The following WDFY4 variants were observed in gnomAD, a reference collection of about 807,000 sequenced individuals.
WDFY4 encodes the protein WD repeat- and FYVE domain-containing protein 4.
Under a neutral mutation model 351.9 loss-of-function variants are expected in WDFY4, and 169 were observed. That is an observed-to-expected ratio of 0.48 (90% confidence interval 0.42 to 0.55). WDFY4 has a LOEUF of 0.55. Ranked by LOEUF, WDFY4 falls within the 20% of genes least tolerant of loss-of-function variation. WDFY4 has a pLI of 0.00. For missense variants in WDFY4, 3,803 were observed against 3,935.6 expected (o/e 0.97, Z 0.90); for synonymous variants, 1,622 against 1,574.6 (o/e 1.03, Z -0.71).
At chr10:48,694,701 T>A (rs1342243193) in intron 1 of WDFY4, among the ~76,000 whole-genome samples, 5 of 152,126 alleles carry the variant, frequency 3.3e-5, no homozygotes, top group African/African-American at 1.2e-4. Context: ...ATGCACTCAC[T>A]CAACCCCTGA....
intron 10 of WDFY4, among the ~76,000 whole-genome samples, chr10:48,734,942 A>ATTTTTTTTTTTTTTTT (rs3079302): frequency 8.1e-6 from 1 of 123,330 alleles, no homozygotes. Flanking sequence ...TGCACGGCTA[A>ATTTTTTTTTTTTTTTT]TTTTTTTTTT....
intron 12 of WDFY4, among the ~76,000 whole-genome samples, chr10:48,755,568 G>A (rs921465086): frequency 4.6e-5 from 7 of 152,016 alleles, no homozygotes; most frequent in African/African-American, 1.7e-4. Context: ...TTGTTTGTTT[G>A]TTTTTGCTTA....
chr10:48,928,808 G>C (rs1839805569), intron 47 of WDFY4, among the ~76,000 whole-genome samples: 1 of 152,214 alleles, frequency 6.6e-6, no homozygotes, highest in Non-Finnish European at 1.5e-5. Flanking sequence ...GACTGCAAAG[G>C]GGAATGCTGA....
chr10:48,755,018 A>AC (rs2065293319), intron 12 of WDFY4, among the ~76,000 whole-genome samples: 1 of 152,170 alleles, frequency 6.6e-6, no homozygotes, highest in Non-Finnish European at 1.5e-5. Flanking sequence ...TCACACGACT[A>AC]CCACCACAAT....
Position 48,760,368 on chromosome 10 carries a change from A to C in WDFY4, c.2481A>C (p.Ala827=), listed in dbSNP as rs1365385328. 6.4e-7 allele frequency: 1 copy of C among 1,551,666 alleles called. No homozygotes were observed. The highest frequency in any genetic ancestry group is 2.0e-5 in the Admixed American group (1 of 51,004). The change falls in exon 13 of 62, where the codon GCA becomes GCC. Residue 827 remains alanine, a synonymous_variant. Transcript: ENST00000325239. ...GCAGGATGGATGAGGGAGATGCTGCAATCATGCATCCCGGGGTCGTGTGCA... is the reference window on the plus strand; with the variant it reads ...GCAGGATGGATGAGGGAGATGCTGCCATCATGCATCCCGGGGTCGTGTGCA... ...LEERMDEGDA[A]IMHPGVVCIM...
chr10:48,732,900 C>T (rs1396898538), intron 9 of WDFY4, among the ~76,000 whole-genome samples: 2 of 152,162 alleles, frequency 1.3e-5, no homozygotes, highest in Non-Finnish European at 2.9e-5. Flanking sequence ...ATCAGGACTG[C>T]GAAGGATGAG....
rs548170194 is a variant in WDFY4 at position 48,893,781 on chromosome 10, A to G, written c.7316+3054A>G. On this transcript the variant is annotated intron_variant, in intron 44 of 61. Transcript: ENST00000325239. ...TGAAATCCACTTCTACTATCAAAGA[A>G]CAGGTCAACCAATATCATAACTATC... Among the ~76,000 whole-genome samples the G allele has an allele frequency of 7.2e-5, 11 of 152,348 alleles. No individual in the cohort carries two copies. The East Asian group carries it at 1.7e-3, about 24-fold the overall frequency.
At chr10:48,962,570 C>T (rs1000165659) in intron 53 of WDFY4, among the ~76,000 whole-genome samples, 1 of 152,198 alleles carries the variant, frequency 6.6e-6, no homozygotes, top group African/African-American at 2.4e-5. Context: ...TTATTGCCAA[C>T]CTGGGTCCCC....
At chr10:48,942,352 G>A (rs1840816684) in intron 48 of WDFY4, among the ~76,000 whole-genome samples, 1 of 148,670 alleles carries the variant, frequency 6.7e-6, no homozygotes, top group Admixed American at 6.8e-5. Flanking sequence ...GCACATTGGA[G>A]TCAGAGCTGG....
chr10:48,739,823 G>A (rs2064795072), intron 11 of WDFY4, among the ~76,000 whole-genome samples: 2 of 152,176 alleles, frequency 1.3e-5, no homozygotes. Context: ...GAGAGACACA[G>A]ATCATAATGA....
At chr10:48,806,153 A>C in intron 27 of WDFY4, 58 bp downstream of exon 27, 1 of 1,503,028 alleles carries the variant, frequency 6.7e-7, no homozygotes, top group Admixed American at 2.0e-5. Context: ...AACCCCTGAG[A>C]GGCCCACATT....
At chr10:48,926,364 A>C (rs1362655185) in intron 47 of WDFY4, among the ~76,000 whole-genome samples, 2 of 152,208 alleles carry the variant, frequency 1.3e-5, no homozygotes, top group African/African-American at 4.8e-5. Flanking sequence ...GCTCCAGCCC[A>C]TTTTAATTTG....
intron 32 of WDFY4, among the ~76,000 whole-genome samples, chr10:48,817,651 A>C (rs41443652): frequency 0.025 from 3,862 of 152,372 alleles, 89 homozygotes; most frequent in Non-Finnish European, 0.036. Flanking sequence ...AGTAATGAGA[A>C]GTCTAATGGC....
chr10:48,940,952 A>C (rs944171048), intron 47 of WDFY4, among the ~76,000 whole-genome samples: 3 of 152,244 alleles, frequency 2.0e-5, no homozygotes, highest in Admixed American at 6.5e-5. Context: ...CATGTACATT[A>C]GTATGGCCTT....
chr10:48,978,561 G>T (rs1170911892), intron 60 of WDFY4, among the ~76,000 whole-genome samples, 168 bp downstream of exon 60: 3 of 152,116 alleles, frequency 2.0e-5, no homozygotes, highest in Non-Finnish European at 4.4e-5. Flanking sequence ...CACCCAGCAA[G>T]CAGACTATCC....
At chr10:48,803,854 G>C (rs1010338488) in intron 25 of WDFY4, among the ~76,000 whole-genome samples, 1 of 152,142 alleles carries the variant, frequency 6.6e-6, no homozygotes, top group Admixed American at 6.5e-5. Flanking sequence ...GCTGGGGGAG[G>C]CTCACATCAT....
chr10:48,842,053 T>C (rs1470603419), intron 39 of WDFY4, among the ~76,000 whole-genome samples: 1 of 152,096 alleles, frequency 6.6e-6, no homozygotes, highest in East Asian at 1.9e-4. Flanking sequence ...TCTCTACTCA[T>C]GACATCAAAC....
At chr10:48,730,673 G>A (rs953778041) in intron 8 of WDFY4, among the ~76,000 whole-genome samples, 1 of 152,190 alleles carries the variant, frequency 6.6e-6, no homozygotes, top group African/African-American at 2.4e-5. Flanking sequence ...ACAATGCAAT[G>A]CACGTTATAT....
chr10:48,913,768 A>G, intron 47 of WDFY4: 1 of 1,614,018 alleles, frequency 6.2e-7, no homozygotes, highest in Non-Finnish European at 8.5e-7. Context: ...AGGTGGTTCA[A>G]GCCTAGGTTC....
Sources: allele counts gnomAD v4.1 joint callset (sites outside exome capture counted in the v4.1 genomes callset), GRCh38; gene constraint gnomAD v4.1.1; transcripts MANE v1.5; gene names NCBI Gene and HGNC (gene_info 2026-07-23, HGNC 2026-07-21).